The following CHMP6 variants were observed in gnomAD, a reference collection of about 807,000 sequenced individuals.
CHMP6 encodes the protein charged multivesicular body protein 6.
CHMP6 carries 10 observed loss-of-function variants against 32.8 expected under a neutral mutation model. That is an observed-to-expected ratio of 0.30 (90% CI 0.19 to 0.52). The LOEUF is 0.52. Among genes scored for constraint, CHMP6 ranks in the 20% least tolerant of loss-of-function variants. The probability of loss-of-function intolerance (pLI) is 0.97; values close to 1 mark genes in which losing one functional copy is unlikely to be tolerated. For missense variants in CHMP6, 269 were observed against 263.8 expected, an observed-to-expected ratio of 1.02 and a Z score of -0.14; for synonymous variants, 123 against 105.8, an observed-to-expected ratio of 1.16 and a Z score of -1.00.
intron 1 of CHMP6, among the ~76,000 whole-genome samples, chr17:80,993,170 C>G (rs1367725571): frequency 3.9e-5 from 6 of 152,340 alleles, no homozygotes; most frequent in Admixed American, 3.9e-4. Context: ...TGTGGGCTCT[C>G]GGCTGTGCAG....
intron 1 of CHMP6, among the ~76,000 whole-genome samples, chr17:80,992,611 G>A (rs2069602613): frequency 6.6e-6 from 1 of 152,106 alleles, no homozygotes; most frequent in Non-Finnish European, 1.5e-5. Context: ...GCAGCGCCTG[G>A]GTACGGGACC....
chr17:80,992,092 G>A, intron 1 of CHMP6, 111 bp downstream of exon 1: 1 of 707,664 alleles, frequency 1.4e-6, no homozygotes, highest in Non-Finnish European at 1.9e-6. Context: ...TTCGGATGGG[G>A]AAACTGAGGC....
At chr17:80,993,149 C>T (rs1308963150) in intron 1 of CHMP6, among the ~76,000 whole-genome samples, 1 of 152,250 alleles carries the variant, frequency 6.6e-6, no homozygotes, top group Admixed American at 6.5e-5. Context: ...TTTCCACTTG[C>T]CAAGGGTCAC....
At position 80,992,007 on chromosome 17, in the gene CHMP6, GCT is replaced by G. The variant is rs1218308123; in HGVS notation, c.63+27_63+28del. ...GTGAGGGCCCGGGCCCGGGGTCAGG[GCT>G]GGGGCCGGGACAGGCGACGGGGCCG... is the stretch of plus-strand genomic sequence containing the variant. On this transcript the variant is annotated intron_variant, in intron 1 of 7. Transcript: ENST00000325167. The G allele has an allele frequency of 3.6e-6, 5 of 1,378,172 alleles. No homozygotes were observed. In the African/African-American group the frequency reaches 7.5e-5, roughly 21 times the overall value. 85.4% of individuals were successfully genotyped at this position (1,378,172 alleles called of 1,614,324 possible).
At chr17:80,995,936 G>T (rs182455163) in intron 4 of CHMP6, among the ~76,000 whole-genome samples, 178 bp downstream of exon 4, 1 of 152,256 alleles carries the variant, frequency 6.6e-6, no homozygotes, top group East Asian at 1.9e-4. Context: ...GTGCAGCACA[G>T]GCTGGGAACT....
In CHMP6 at chr17:80,995,770, C is replaced by T. The variant is rs1258964326; in HGVS notation, c.348+12C>T. The T allele has an allele frequency of 1.1e-5, 17 of 1,612,784 alleles. No homozygotes were observed. The East Asian group carries it at 3.6e-4, about 34-fold the overall frequency. On this transcript the variant is annotated intron_variant, in intron 4 of 7. Coordinates refer to ENST00000325167, the MANE Select transcript of CHMP6 (RefSeq NM_024591.5). ...ACAAGATGCACCAGGTGAGTCTCTG[C>T]AGGGCCAGGGGCATGGAGGTGTGGG...
At chr17:80,995,173 G>A (rs2069626724) in intron 3 of CHMP6, 67 bp downstream of exon 3, 1 of 1,459,102 alleles carries the variant, frequency 6.9e-7, no homozygotes. Context: ...CGGCTGCGTG[G>A]ACATCAGAAA....
intron 7 of CHMP6, 139 bp from the exon 8 acceptor site, chr17:80,998,959 T>A (rs1402774815): frequency 1.8e-5 from 17 of 940,160 alleles, no homozygotes; most frequent in African/African-American, 3.3e-5. Context: ...GTCACTTGCC[T>A]CCCCCAGAGC....
At chr17:80,998,578 G>C (rs2069659476) in intron 7 of CHMP6, 158 bp downstream of exon 7, 1 of 1,496,358 alleles carries the variant, frequency 6.7e-7, no homozygotes, top group African/African-American at 1.4e-5. Context: ...TGGCCTTGGG[G>C]TTGGGCTTGG....
chr17:80,995,845 T>A, intron 4 of CHMP6, 87 bp downstream of exon 4: 1 of 1,232,180 alleles, frequency 8.1e-7, no homozygotes. Context: ...TGTCCCACGG[T>A]GTTCGTGTCA....
At chr17:80,996,282 G>T (rs2144149873) in intron 4 of CHMP6, among the ~76,000 whole-genome samples, 1 of 151,520 alleles carries the variant, frequency 6.6e-6, no homozygotes, top group Admixed American at 6.6e-5. Flanking sequence ...TTGCGCCACT[G>T]CACTCCAGCC....
chr17:80,993,708 C>T (rs1296969596), intron 1 of CHMP6, among the ~76,000 whole-genome samples: 2 of 152,222 alleles, frequency 1.3e-5, no homozygotes, highest in East Asian at 3.9e-4. Flanking sequence ...TGGCCGAGTG[C>T]CCTCTCTGGG....
rs769508597 is a variant in CHMP6, at chr17:80,997,058, G to A, written c.400G>A (p.Val134Met). The A allele has an allele frequency of 8.1e-6, 13 of 1,613,658 alleles. No individual in the cohort carries two copies. The Admixed American group carries it at 1.0e-4, about 12-fold the overall frequency. Residue 134 changes from valine (V) to methionine (M), a missense_variant, in exon 5 of 8, where the codon GTG becomes ATG. By Grantham distance (21) the Val-to-Met change is conservative. Coordinates refer to ENST00000325167, the MANE Select transcript of CHMP6 (RefSeq NM_024591.5). Reference sequence around the variant, plus strand: ...GATCCTGGACGAGACGCAGGAGGCCGTGGAGTACCAGCGGGTAGGTGGCAC... The same window carrying A: ...GATCCTGGACGAGACGCAGGAGGCCATGGAGTACCAGCGGGTAGGTGGCAC... ...ERILDETQEA[V>M]EYQRQIDELL...
Position 80,994,650 on chromosome 17 carries a change from C to T in CHMP6, c.133C>T (p.Arg45Cys), listed in dbSNP as rs367935751. Residue 45 changes from arginine (R) to cysteine (C), a missense_variant, in exon 2 of 8, where the codon CGC (arginine) becomes TGC (cysteine). Physicochemically the swap from Arg to Cys is radical, Grantham distance 180 (BLOSUM62 -3). Coordinates refer to ENST00000325167, the MANE Select transcript of CHMP6 (RefSeq NM_024591.5). ...KRIAQQLERE[R>C]ALARQLLRDG... ...GATCGCCCAGCAGCTGGAGCGCGAG[C>T]GCGCCCTGGCCCGGCAGCTGCTGCG... 5.8e-5 allele frequency: 92 copies of T among 1,583,604 alleles called. No homozygotes were observed. The highest frequency in any genetic ancestry group is 3.9e-4 in the Admixed American group (21 of 54,502).
In CHMP6 at chr17:80,995,054, A is replaced by G. The variant is rs1375422835; in HGVS notation, c.209A>G (p.Gln70Arg). The G allele has an allele frequency of 2.5e-6, 4 of 1,602,584 alleles. No individual in the cohort carries two copies. Among genetic ancestry groups the G allele is most frequent in the African/African-American group, 2.7e-5 (2 of 74,842 alleles). The part of the protein sequence containing the change: ...AKLLLKKKRY[Q>R]EQLLDRTENQ... Reference sequence around the variant, plus strand: ...CTGCTGCTCAAGAAGAAGCGATACCAGGAGCAGCTCCTGGACAGGACGGAG... The same window carrying G: ...CTGCTGCTCAAGAAGAAGCGATACCGGGAGCAGCTCCTGGACAGGACGGAG... Residue 70 changes from glutamine (Q) to arginine (R), a missense_variant, in exon 3 of 8, where the codon CAG becomes CGG. Coordinates refer to ENST00000325167, the MANE Select transcript of CHMP6 (RefSeq NM_024591.5).
At chr17:80,993,838 C>T (rs554273251) in intron 1 of CHMP6, among the ~76,000 whole-genome samples, 4 of 152,146 alleles carry the variant, frequency 2.6e-5, no homozygotes, top group Non-Finnish European at 5.9e-5. Context: ...GGAGAGAAGC[C>T]GGGGGGATGT....
intron 1 of CHMP6, among the ~76,000 whole-genome samples, chr17:80,994,120 T>C (rs1317984677): frequency 1.3e-5 from 2 of 152,328 alleles, no homozygotes; most frequent in African/African-American, 4.8e-5. Context: ...TTCACCATGT[T>C]AGCCAGGATG....
chr17:80,991,997 C>T lies in CHMP6; in HGVS notation c.63+16C>T. On this transcript the variant is annotated intron_variant, in intron 1 of 7. Coordinates refer to ENST00000325167, the MANE Select transcript of CHMP6 (RefSeq NM_024591.5). ...GGCCATCCTGGTGAGGGCCCGGGCC[C>T]GGGGTCAGGGCTGGGGCCGGGACAG... 1 of 1,410,658 alleles carries T rather than the reference C, an allele frequency of 7.1e-7. No individual in the cohort carries two copies. Among genetic ancestry groups the T allele is most frequent in the Non-Finnish European group, 9.3e-7 (1 of 1,069,758 alleles). The allele number at this position is 1,410,658 out of a possible 1,614,324, so 87.4% of individuals were successfully genotyped here. A position where few individuals can be genotyped will look rare whatever the true frequency, so the allele number is the denominator to read the frequency against.
chr17:80,994,984 G>T (rs780967821), intron 2 of CHMP6, 35 bp from the exon 3 acceptor site: 1 of 1,562,290 alleles, frequency 6.4e-7, no homozygotes, highest in South Asian at 1.2e-5. Flanking sequence ...CCCAGGCAGG[G>T]CCACAGCGGG....
Sources: allele counts gnomAD v4.1 joint callset (sites outside exome capture counted in the v4.1 genomes callset), GRCh38; gene constraint gnomAD v4.1.1; transcripts MANE v1.5; gene names NCBI Gene and HGNC (gene_info 2026-07-23, HGNC 2026-07-21).